Variants in PKP4 observed in about 807,000 individuals in gnomAD.
The protein encoded by PKP4 is plakophilin-4.
A neutral mutation model predicts 145.1 loss-of-function variants in PKP4; 90 were observed. The ratio of observed to expected loss-of-function variants is 0.62; its 90% CI spans 0.52 to 0.74. PKP4 has a LOEUF of 0.74. Ranked by LOEUF, PKP4 falls within the 30% of genes least tolerant of loss-of-function variation. PKP4 has a pLI of 0.00. For synonymous variants in PKP4, 563 were observed against 577.2 expected, an observed-to-expected ratio of 0.98 and a Z score of 0.35; for missense variants, 1,340 against 1,482.7, an observed-to-expected ratio of 0.90 and a Z score of 1.58.
chr2:158,656,840 T>C (rs2055994925), intron 11 of PKP4, among the ~76,000 whole-genome samples: 1 of 152,164 alleles, frequency 6.6e-6, no homozygotes. Context: ...GGAGCTCCTG[T>C]CTTCCTCCCC....
At chr2:158,614,490 C>T (rs557039678) in intron 4 of PKP4, among the ~76,000 whole-genome samples, 1 of 152,248 alleles carries the variant, frequency 6.6e-6, no homozygotes, top group African/African-American at 2.4e-5. Context: ...GTAGTTTCCA[C>T]ATATTTGGGA....
At chr2:158,461,928 G>T (rs888957352) in intron 1 of PKP4, among the ~76,000 whole-genome samples, 4 of 152,202 alleles carry the variant, frequency 2.6e-5, no homozygotes, top group African/African-American at 9.7e-5. Context: ...GTAGACATTG[G>T]TGTCCTGTAT....
At chr2:158,647,555 A>ATC (rs1345396964) in intron 11 of PKP4, among the ~76,000 whole-genome samples, 7 of 151,566 alleles carry the variant, frequency 4.6e-5, no homozygotes, top group African/African-American at 1.7e-4. Flanking sequence ...TTTTGGCCAC[A>ATC]TCTTTATTTT....
At chr2:158,480,020 A>G (rs1285885929) in intron 1 of PKP4, among the ~76,000 whole-genome samples, 1 of 152,108 alleles carries the variant, frequency 6.6e-6, no homozygotes, top group Non-Finnish European at 1.5e-5. Context: ...ATCTTCTTAG[A>G]CGTTGATTCT....
chr2:158,600,817 G>C (rs1005277334), intron 3 of PKP4, among the ~76,000 whole-genome samples: 3 of 152,102 alleles, frequency 2.0e-5, no homozygotes, highest in African/African-American at 7.2e-5. Flanking sequence ...TTATTAGCTT[G>C]TTTTTCTAAT....
chr2:158,654,344 AT>A (rs901159449), intron 11 of PKP4, among the ~76,000 whole-genome samples: 26 of 151,386 alleles, frequency 1.7e-4, no homozygotes, highest in East Asian at 3.9e-4. Flanking sequence ...AACTGTAAAC[AT>A]TTTTTTTTGG....
chr2:158,569,502 A>G (rs1308659529), intron 2 of PKP4, among the ~76,000 whole-genome samples: 1 of 152,208 alleles, frequency 6.6e-6, no homozygotes, highest in Non-Finnish European at 1.5e-5. Context: ...TTCCATTTGA[A>G]GGCTAACCCT....
At chr2:158,475,050 A>G (rs1429049326) in intron 1 of PKP4, among the ~76,000 whole-genome samples, 2 of 152,150 alleles carry the variant, frequency 1.3e-5, no homozygotes, top group Admixed American at 1.3e-4. Context: ...AGTTAGTTAT[A>G]CTGAGATATC....
chr2:158,569,257 T>A (rs2047238049), intron 2 of PKP4, among the ~76,000 whole-genome samples: 1 of 152,200 alleles, frequency 6.6e-6, no homozygotes, highest in Non-Finnish European at 1.5e-5. Flanking sequence ...AGAACTTGGT[T>A]TATTCCTGTT....
At position 158,495,468 on chromosome 2, in the gene PKP4, A is replaced by G. The variant is rs184852540; in HGVS notation, c.-5-37712A>G. 2.7e-3 allele frequency among the ~76,000 whole-genome samples: 404 copies of G among 151,994 alleles called. 5 individuals carry two copies. The highest frequency in any genetic ancestry group is 9.2e-3 in the African/African-American group (382 of 41,472). On this transcript the variant is annotated intron_variant, in intron 1 of 21. Transcript: ENST00000389759. ...AACTGTTTTCTGCTGAGTCGCTTAT[A>G]CTCTCAAAAATTCTAAATATTAGTA...
At chr2:158,666,738 AG>A in intron 16 of PKP4, 175 bp downstream of exon 16, 1 of 509,374 alleles carries the variant, frequency 2.0e-6, no homozygotes, top group East Asian at 3.5e-5. Context: ...TTTCAGCAGG[AG>A]GCAAGCTCAT....
intron 4 of PKP4, among the ~76,000 whole-genome samples, chr2:158,620,530 C>A (rs1416820758): frequency 2.0e-5 from 3 of 152,264 alleles, no homozygotes; most frequent in African/African-American, 4.8e-5. Flanking sequence ...CTGTAAGTGA[C>A]ATGAAATATA....
chr2:158,543,398 C>T (rs911718614), intron 2 of PKP4, among the ~76,000 whole-genome samples: 30 of 152,190 alleles, frequency 2.0e-4, no homozygotes, highest in African/African-American at 7.2e-4. Flanking sequence ...AAATGGAAAA[C>T]ACAAGATCAA....
At chr2:158,542,802 A>G (rs751331896) in intron 2 of PKP4, among the ~76,000 whole-genome samples, 3 of 152,134 alleles carry the variant, frequency 2.0e-5, no homozygotes, top group African/African-American at 2.4e-5. Context: ...CACTACCACT[A>G]TTACTACTGC....
intron 1 of PKP4, among the ~76,000 whole-genome samples, chr2:158,531,197 G>A (rs915688849): frequency 1.3e-5 from 2 of 152,044 alleles, no homozygotes; most frequent in African/African-American, 4.8e-5. Context: ...TAACAGTAAG[G>A]CTCCTTCTAT....
chr2:158,638,875 T>A (rs2054035455), intron 9 of PKP4, among the ~76,000 whole-genome samples: 3 of 152,216 alleles, frequency 2.0e-5, no homozygotes, highest in Admixed American at 2.0e-4. Flanking sequence ...GTGGGTAATC[T>A]GCATGACACC....
chr2:158,525,877 A>G (rs997102038), intron 1 of PKP4, among the ~76,000 whole-genome samples: 7 of 150,414 alleles, frequency 4.7e-5, no homozygotes, highest in Non-Finnish European at 1.0e-4. Context: ...TAAACTAGAA[A>G]ATCTAGAAGA....
At chr2:158,528,907 A>G (rs2043241807) in intron 1 of PKP4, among the ~76,000 whole-genome samples, 1 of 152,186 alleles carries the variant, frequency 6.6e-6, no homozygotes, top group Non-Finnish European at 1.5e-5. Flanking sequence ...AGACAGTGTT[A>G]TACAGTAGAC....
intron 19 of PKP4, among the ~76,000 whole-genome samples, chr2:158,674,442 C>T (rs1192939025): frequency 6.6e-6 from 1 of 152,182 alleles, no homozygotes; most frequent in African/African-American, 2.4e-5. Context: ...CTTTTAGAAG[C>T]AGGGTCCTTT....
Sources: gnomAD v4.1 joint callset for allele counts (sites outside exome capture counted in the v4.1 genomes callset) on GRCh38, gnomAD v4.1.1 for gene constraint, MANE v1.5 for transcripts, NCBI Gene and HGNC (gene_info 2026-07-23, HGNC 2026-07-21) for gene names.